The following SLC35D2 variants were observed in gnomAD, a reference collection of about 807,000 sequenced individuals.
SLC35D2 encodes the protein solute carrier family 35 member D2.
Under a neutral mutation model 41.8 loss-of-function variants are expected in SLC35D2, and 43 were observed. That is an observed-to-expected ratio of 1.03 (90% CI 0.81 to 1.33). The LOEUF is 1.33. Ranked by LOEUF, SLC35D2 falls within the 40% of genes most tolerant of loss-of-function variation. The pLI is 0.00. For synonymous variants in SLC35D2, 150 were observed against 163.9 expected (o/e 0.92, Z 0.65); for missense variants, 380 against 408.4 (o/e 0.93, Z 0.60).
At chr9:96,382,425 G>C (rs1831230285) in intron 1 of SLC35D2, among the ~76,000 whole-genome samples, 1 of 150,770 alleles carries the variant, frequency 6.6e-6, no homozygotes, top group African/African-American at 2.5e-5. Context: ...CTACACTCCA[G>C]CCTAGGCAAC....
chr9:96,378,643 C>T (rs899337669), intron 1 of SLC35D2, among the ~76,000 whole-genome samples: 23 of 152,040 alleles, frequency 1.5e-4, no homozygotes, highest in Admixed American at 3.9e-4. Flanking sequence ...TGGTAGCTCA[C>T]GCTAGTAATC....
intron 9 of SLC35D2, among the ~76,000 whole-genome samples, chr9:96,329,970 T>C (rs72603668): frequency 0.13 from 20,262 of 152,218 alleles, 1,791 homozygotes; most frequent in East Asian, 0.28. Context: ...CATCTGCAAG[T>C]TGGAGACCCT....
At chr9:96,329,387 C>T (rs12682685) in intron 9 of SLC35D2, among the ~76,000 whole-genome samples, 20,508 of 151,924 alleles carry the variant, frequency 0.13, 1,810 homozygotes, top group East Asian at 0.29. Context: ...CATGCCACCA[C>T]ATTTGCCTAA....
At position 96,383,466 on chromosome 9, in the gene SLC35D2, C is replaced by T; in HGVS notation, c.158+11G>A. 2 of 1,525,302 alleles carry T rather than the reference C, an allele frequency of 1.3e-6. No individual in the cohort carries two copies. The highest frequency in any genetic ancestry group is 2.4e-5 in the South Asian group (2 of 83,222). 94.5% of individuals were successfully genotyped at this position (1,525,302 alleles called of 1,614,324 possible). A position where few individuals can be genotyped will look rare whatever the true frequency, so the allele number is the denominator to read the frequency against. The stretch of plus-strand genomic sequence containing the variant: ...CTCCCGCAGACCCCCCGGCCCCGGG[C>T]CCCGCCTCACCCGTAGGTGGTCAGC... On this transcript the variant is annotated intron_variant, in intron 1 of 11. Transcript: ENST00000253270.
chr9:96,329,430 G>T (rs943282963), intron 9 of SLC35D2, among the ~76,000 whole-genome samples: 6 of 152,006 alleles, frequency 3.9e-5, no homozygotes, highest in Admixed American at 3.9e-4. Flanking sequence ...CTCATATGTT[G>T]CCCAGGCTGG....
At chr9:96,344,529 A>G (rs73536826) in intron 7 of SLC35D2, among the ~76,000 whole-genome samples, 2 of 69,700 alleles carry the variant, frequency 2.9e-5, no homozygotes, top group South Asian at 5.1e-4. Context: ...AAAAAAAAAA[A>G]GGCCATGCAG....
intron 8 of SLC35D2, among the ~76,000 whole-genome samples, chr9:96,340,891 T>C (rs960382774): frequency 2.0e-5 from 3 of 152,098 alleles, no homozygotes; most frequent in Non-Finnish European, 4.4e-5. Flanking sequence ...ATCTTTGAAG[T>C]CTGATCAAAT....
Position 96,332,894 on chromosome 9 carries a change from C to T in SLC35D2, c.752+3823G>A, listed in dbSNP as rs547500361. The stretch of plus-strand genomic sequence containing the variant: ...ACTGTTTTACTTATAATAACTACAC[C>T]TTTGCGAATTTTTTTTTTTTTTTGA... On this transcript the variant is annotated intron_variant, in intron 9 of 11. Transcript: ENST00000253270. 3.6e-3 allele frequency among the ~76,000 whole-genome samples: 542 copies of T among 149,902 alleles called. 2 individuals carry two copies. Among genetic ancestry groups the T allele is most frequent in the South Asian group, 0.011 (50 of 4,618 alleles).
chr9:96,338,343 T>C (rs1829147455), intron 8 of SLC35D2, among the ~76,000 whole-genome samples: 1 of 152,194 alleles, frequency 6.6e-6, no homozygotes, highest in Admixed American at 6.6e-5. Context: ...CATTTCACTG[T>C]CATTGTTTCA....
chr9:96,326,727 G>T (rs1036747879), intron 9 of SLC35D2, among the ~76,000 whole-genome samples: 1 of 150,978 alleles, frequency 6.6e-6, no homozygotes, highest in Non-Finnish European at 1.5e-5. Context: ...AATTGCTTGA[G>T]CCTGAGAGGC....
At chr9:96,360,293 G>A (rs1830209633) in intron 3 of SLC35D2, 72 bp from the exon 4 acceptor site, 2 of 1,181,406 alleles carry the variant, frequency 1.7e-6, no homozygotes, top group Admixed American at 4.1e-5. Context: ...ATATAAAAAT[G>A]GTGACAGATA....
chr9:96,358,105 T>TATACAC (rs1830116397), intron 4 of SLC35D2, among the ~76,000 whole-genome samples: 1 of 143,524 alleles, frequency 7.0e-6, no homozygotes, highest in South Asian at 2.1e-4. Flanking sequence ...TATATATATA[T>TATACAC]ATACCTGCAA....
At chr9:96,359,032 C>T (rs1044293503) in intron 4 of SLC35D2, among the ~76,000 whole-genome samples, 5 of 151,184 alleles carry the variant, frequency 3.3e-5, no homozygotes, top group African/African-American at 9.7e-5. Flanking sequence ...TGGCCGGGTG[C>T]GGTGGCTCAT....
intron 6 of SLC35D2, among the ~76,000 whole-genome samples, chr9:96,345,824 C>T (rs904412112): frequency 6.6e-6 from 1 of 152,166 alleles, no homozygotes. Context: ...TAAGAGGGGT[C>T]GCATGAGGCA....
chr9:96,317,260 G>A (rs2130816435), downstream of SLC35D2, among the ~76,000 whole-genome samples: 1 of 152,206 alleles, frequency 6.6e-6, no homozygotes, highest in East Asian at 1.9e-4. Context: ...TAATGTTTGT[G>A]TCCCATCCAC....
intron 9 of SLC35D2, among the ~76,000 whole-genome samples, chr9:96,329,258 T>C (rs1236383134): frequency 6.6e-6 from 1 of 152,016 alleles, no homozygotes; most frequent in African/African-American, 2.4e-5. Flanking sequence ...AGAGACAGGC[T>C]CTCCCTCTGT....
At chr9:96,319,990 T>G (rs1828151413), downstream of SLC35D2, among the ~76,000 whole-genome samples, 1 of 152,116 alleles carries the variant, frequency 6.6e-6, no homozygotes, top group Admixed American at 6.5e-5. Flanking sequence ...GAGACAAGAT[T>G]AGTTAGTCTG....
intron 8 of SLC35D2, among the ~76,000 whole-genome samples, chr9:96,338,801 A>G (rs1056837923): frequency 9.9e-5 from 15 of 152,182 alleles, no homozygotes; most frequent in Non-Finnish European, 7.3e-5. Context: ...TTAAAGCCAA[A>G]AAGTTTATGC....
intron 5 of SLC35D2, among the ~76,000 whole-genome samples, chr9:96,351,434 G>A (rs1489110810): frequency 1.3e-5 from 2 of 151,612 alleles, no homozygotes; most frequent in South Asian, 2.1e-4. Context: ...ATACAGAAGC[G>A]CTCCTGCTGG....
Sources: gnomAD v4.1 joint callset for allele counts (sites outside exome capture counted in the v4.1 genomes callset) on GRCh38, gnomAD v4.1.1 for gene constraint, MANE v1.5 for transcripts, NCBI Gene and HGNC (gene_info 2026-07-23, HGNC 2026-07-21) for gene names.